DMD: variants seen among roughly 807,000 people sequenced by gnomAD.
DMD encodes dystrophin, also known as mutant dystrophin.
DMD carries 63 observed loss-of-function variants against 330.1 expected under a neutral mutation model. That is an observed-to-expected ratio of 0.19 (90% CI 0.16 to 0.24). The LOEUF (loss-of-function observed/expected upper bound fraction) is 0.24, where lower values mean the gene tolerates loss of function less well. Ranked by LOEUF, DMD falls within the 10% of genes least tolerant of loss-of-function variation. DMD has a pLI of 1.00. For missense variants in DMD, 3,344 were observed against 2,684.1 expected (o/e 1.25, Z -5.43); for synonymous variants, 1,223 against 959.8 (o/e 1.27, Z -5.07).
chrX:32,867,889 T>G (rs184345361), intron 2 of DMD, among the ~76,000 whole-genome samples: 1 of 111,200 alleles, frequency 9.0e-6, no homozygotes, highest in East Asian at 2.8e-4. Flanking sequence ...ATATGGGAAT[T>G]TAAGCAAAAA....
intron 11 of DMD, among the ~76,000 whole-genome samples, chrX:32,619,697 A>T (rs1202688043): frequency 1.8e-5 from 2 of 111,860 alleles, no homozygotes; most frequent in African/African-American, 6.5e-5. Context: ...TATTGGCAGG[A>T]AAGATAGAAC....
chrX:33,334,449 G>A (rs181315902), intron 1 of DMD, among the ~76,000 whole-genome samples: 6 of 110,775 alleles, frequency 5.4e-5, no homozygotes, highest in African/African-American at 2.0e-4. Context: ...TCCTATCGAG[G>A]GCCAGATAGT....
chrX:33,266,913 C>T (rs1002400687), intron 1 of DMD, among the ~76,000 whole-genome samples: 1 of 110,717 alleles, frequency 9.0e-6, no homozygotes, highest in African/African-American at 3.3e-5. Context: ...AAAGTTGGAA[C>T]GATTCCCACT....
At chrX:32,875,019 C>T (rs760012103) in intron 2 of DMD, among the ~76,000 whole-genome samples, 30 of 112,089 alleles carry the variant, frequency 2.7e-4, no homozygotes, top group Admixed American at 9.5e-4. Context: ...AAGCTGAACA[C>T]GGCTGAATTC....
intron 44 of DMD, among the ~76,000 whole-genome samples, chrX:32,024,547 A>G (rs2095833317): frequency 9.1e-6 from 1 of 110,320 alleles, no homozygotes; most frequent in African/African-American, 3.3e-5. Context: ...TTACTATTTT[A>G]GAAGAGAAAA....
intron 47 of DMD, among the ~76,000 whole-genome samples, chrX:31,922,079 T>C (rs939992102): frequency 2.7e-5 from 3 of 111,654 alleles, no homozygotes; most frequent in Non-Finnish European, 1.9e-5. Context: ...CCTTTCACTT[T>C]AATGTTCCCT....
intron 1 of DMD, among the ~76,000 whole-genome samples, chrX:33,051,779 G>T (rs1378746139): frequency 1.9e-5 from 2 of 106,831 alleles, no homozygotes; most frequent in Non-Finnish European, 3.8e-5. Flanking sequence ...CTCCCAAGAA[G>T]TTGGGACTAC....
At position 31,368,941 on chromosome X, in the gene DMD, C is replaced by T. The variant is rs143146720; in HGVS notation, c.9085-20307G>A. Among the ~76,000 whole-genome samples the T allele has an allele frequency of 5.4e-5, 6 of 111,536 alleles. No homozygotes were observed. In the East Asian group the frequency reaches 8.4e-4, roughly 16 times the overall value. On this transcript the variant is annotated intron_variant, in intron 60 of 78. Coordinates refer to ENST00000357033, the MANE Select transcript of DMD (RefSeq NM_004006.3). ...TATTACAGGCATGAGCCACCATGCCCGGCCCGAGGTCCCTTCTTGATTCTG... is the reference window on the plus strand; with the variant it reads ...TATTACAGGCATGAGCCACCATGCCTGGCCCGAGGTCCCTTCTTGATTCTG...
intron 16 of DMD, among the ~76,000 whole-genome samples, chrX:32,551,992 T>C (rs1356626295): frequency 1.8e-5 from 2 of 111,761 alleles, no homozygotes; most frequent in Non-Finnish European, 3.8e-5. Context: ...ACACAAAAAA[T>C]GGAAAAATAT....
chrX:32,678,434 T>C (rs1440027956), intron 9 of DMD, among the ~76,000 whole-genome samples: 1 of 111,569 alleles, frequency 9.0e-6, no homozygotes, highest in Non-Finnish European at 1.9e-5. Context: ...GTCACACATT[T>C]AGTAAGTAGC....
chrX:31,643,053 G>A (rs2079866380), intron 54 of DMD, among the ~76,000 whole-genome samples: 1 of 111,858 alleles, frequency 8.9e-6, no homozygotes, highest in African/African-American at 3.2e-5. Flanking sequence ...CTTCCCTGCT[G>A]TAATGACAGG....
At chrX:32,050,637 A>G (rs2147510161) in intron 44 of DMD, among the ~76,000 whole-genome samples, 1 of 111,544 alleles carries the variant, frequency 9.0e-6, no homozygotes, top group South Asian at 3.7e-4. Flanking sequence ...CTTATGTTCT[A>G]TAAGGAATGA....
intron 25 of DMD, among the ~76,000 whole-genome samples, chrX:32,456,339 T>A (rs1228390963): frequency 1.8e-5 from 2 of 111,136 alleles, no homozygotes; most frequent in African/African-American, 6.5e-5. Flanking sequence ...GTCTTGCAAT[T>A]GTACTAGAAA....
At chrX:31,421,900 TACAC>T (rs201760249) in intron 60 of DMD, among the ~76,000 whole-genome samples, 1 of 85,184 alleles carries the variant, frequency 1.2e-5, no homozygotes, top group Non-Finnish European at 2.1e-5. Flanking sequence ...TATATATATA[TACAC>T]ACACACACAC....
chrX:31,460,410 A>T (rs1603099134), intron 59 of DMD, among the ~76,000 whole-genome samples: 1 of 112,339 alleles, frequency 8.9e-6, no homozygotes, highest in African/African-American at 3.2e-5. Flanking sequence ...GATTTTACTT[A>T]AAAAGTGTTG....
chrX:31,622,846 T>TTATATATATA (rs757102035), intron 55 of DMD, among the ~76,000 whole-genome samples: 10 of 74,174 alleles, frequency 1.3e-4, no homozygotes, highest in East Asian at 4.8e-4. Context: ...CAGAAAAATT[T>TTATATATATA]TATATATATA....
At chrX:31,281,916 A>AT (rs995392041) in intron 62 of DMD, among the ~76,000 whole-genome samples, 8 of 112,039 alleles carry the variant, frequency 7.1e-5, no homozygotes, top group African/African-American at 2.3e-4. Context: ...AGACTAAGTT[A>AT]TTTTTTACTG....
At chrX:33,259,608 C>CA (rs1438788255) in intron 1 of DMD, among the ~76,000 whole-genome samples, 3 of 71,788 alleles carry the variant, frequency 4.2e-5, no homozygotes, top group Admixed American at 1.7e-4. Flanking sequence ...CCCCCCCCCC[C>CA]CAAAAAAAAA....
chrX:31,872,710 G>A (rs1349288995), intron 48 of DMD, among the ~76,000 whole-genome samples: 2 of 111,584 alleles, frequency 1.8e-5, no homozygotes, highest in Non-Finnish European at 3.8e-5. Context: ...TTTCCTCTTC[G>A]CAATATTACG....
Sources: gnomAD v4.1 joint callset for allele counts (sites outside exome capture counted in the v4.1 genomes callset) on GRCh38, gnomAD v4.1.1 for gene constraint, MANE v1.5 for transcripts, NCBI Gene and HGNC (gene_info 2026-07-23, HGNC 2026-07-21) for gene names.